CEP112: variants seen among roughly 807,000 people sequenced by gnomAD.
CEP112 encodes centrosomal protein of 112 kDa.
In CEP112, 127 loss-of-function variants were observed where a neutral mutation model predicts 153.0. The observed-to-expected ratio is 0.83, with a 90% CI of 0.72 to 0.96. CEP112 has a LOEUF of 0.96. CEP112 is among the 40% of genes least tolerant of loss of function. CEP112 has a pLI of 0.00. For synonymous variants in CEP112, 358 were observed against 374.4 expected (o/e 0.96, Z 0.51); for missense variants, 1,089 against 1,101.2 (o/e 0.99, Z 0.16).
intron 18 of CEP112, among the ~76,000 whole-genome samples, chr17:65,932,416 C>T (rs1289391600): frequency 6.6e-6 from 1 of 152,040 alleles, no homozygotes; most frequent in Non-Finnish European, 1.5e-5. Context: ...AACAATGAAC[C>T]CTAAAAATAT....
intron 18 of CEP112, among the ~76,000 whole-genome samples, chr17:65,936,751 T>C (rs182919237): frequency 1.1e-4 from 16 of 144,360 alleles, no homozygotes; most frequent in African/African-American, 4.1e-4. Flanking sequence ...TAATAAAAAC[T>C]CTTAACAAAT....
intron 18 of CEP112, among the ~76,000 whole-genome samples, 174 bp downstream of exon 18, chr17:65,961,289 G>A (rs1354048428): frequency 6.6e-6 from 1 of 152,214 alleles, no homozygotes; most frequent in African/African-American, 2.4e-5. Context: ...ATTGCTTGAA[G>A]GATGAATCAA....
Position 65,902,354 on chromosome 17 carries a change from G to C in CEP112, c.1981-20C>G. On this transcript the variant is annotated intron_variant, in intron 19 of 26. Coordinates refer to ENST00000535342, the MANE Select transcript of CEP112 (RefSeq NM_001199165.4). ...TACTATCTGATTGGACAATGAGGAG[G>C]ACAGTTCATCAACAGAACATCCTTG... 1 of 1,599,700 alleles carries C rather than the reference G, an allele frequency of 6.3e-7. No homozygotes were observed. The highest frequency in any genetic ancestry group is 8.5e-7 in the Non-Finnish European group (1 of 1,172,698).
At chr17:65,798,103 G>T (rs1335014297) in intron 21 of CEP112, among the ~76,000 whole-genome samples, 1 of 151,938 alleles carries the variant, frequency 6.6e-6, no homozygotes, top group Non-Finnish European at 1.5e-5. Context: ...GTCCCTTCTG[G>T]AATCCCACTG....
chr17:65,790,263 T>G (rs757736902), intron 21 of CEP112, among the ~76,000 whole-genome samples: 1 of 152,122 alleles, frequency 6.6e-6, no homozygotes, highest in Non-Finnish European at 1.5e-5. Flanking sequence ...GGATCAAGGT[T>G]TCCAATAAAC....
chr17:66,130,101 G>A (rs1024055167), intron 5 of CEP112, among the ~76,000 whole-genome samples: 1 of 152,032 alleles, frequency 6.6e-6, no homozygotes, highest in Non-Finnish European at 1.5e-5. Flanking sequence ...TGCTTGTCTG[G>A]TAATGCTGTA....
At chr17:65,792,200 T>C (rs1379470013) in intron 21 of CEP112, among the ~76,000 whole-genome samples, 3 of 152,218 alleles carry the variant, frequency 2.0e-5, no homozygotes, top group Non-Finnish European at 4.4e-5. Flanking sequence ...CAAAATATAA[T>C]GTGATTTACT....
chr17:65,823,789 TA>T lies in CEP112; in HGVS notation c.2394+28014del, dbSNP rs1283212495. On this transcript the variant is annotated intron_variant, in intron 21 of 26. Coordinates refer to ENST00000535342, the MANE Select transcript of CEP112 (RefSeq NM_001199165.4). ...AAATTTAATAATTAGAAAATAGCAGTAAAAAATCAGAAAAAGATTTCAATAG... is the reference window on the plus strand; with the variant it reads ...AAATTTAATAATTAGAAAATAGCAGTAAAAATCAGAAAAAGATTTCAATAG... Among the ~76,000 whole-genome samples, 2 of 152,120 alleles carry T rather than the reference TA, an allele frequency of 1.3e-5. 1 individual carries two copies. The highest frequency in any genetic ancestry group is 1.3e-4 in the Admixed American group (2 of 15,272).
Position 66,150,874 on chromosome 17 carries a change from T to A in CEP112, c.471-18111A>T, listed in dbSNP as rs951104009. Among the ~76,000 whole-genome samples the A allele has an allele frequency of 1.3e-4, 20 of 152,236 alleles. 1 individual carries two copies. Among genetic ancestry groups the A allele is most frequent in the Non-Finnish European group, 1.5e-5 (1 of 68,042 alleles). On this transcript the variant is annotated intron_variant, in intron 4 of 26. Coordinates refer to ENST00000535342, the MANE Select transcript of CEP112 (RefSeq NM_001199165.4). ...TTCATGTATTTTTGAAGCTCTTTTGTTTGCTAAATACACATTTATAATCAT... is the reference window on the plus strand; with the variant it reads ...TTCATGTATTTTTGAAGCTCTTTTGATTGCTAAATACACATTTATAATCAT...
intron 12 of CEP112, among the ~76,000 whole-genome samples, chr17:66,040,260 T>C (rs1320894388): frequency 3.3e-5 from 5 of 152,180 alleles, no homozygotes; most frequent in African/African-American, 9.6e-5. Context: ...TTTGTAGGTA[T>C]GTAGAGATAC....
intron 23 of CEP112, among the ~76,000 whole-genome samples, chr17:65,695,217 G>A (rs2048300152): frequency 6.6e-6 from 1 of 152,210 alleles, no homozygotes; most frequent in Admixed American, 6.5e-5. Context: ...CTCTTTAAAA[G>A]GGAGAGCATT....
chr17:66,047,233 C>T (rs1208297012), intron 12 of CEP112, among the ~76,000 whole-genome samples: 4 of 152,190 alleles, frequency 2.6e-5, no homozygotes, highest in African/African-American at 9.7e-5. Flanking sequence ...TCTCCTGCCT[C>T]AGCCTCCTGA....
intron 17 of CEP112, among the ~76,000 whole-genome samples, chr17:66,004,656 T>C (rs1246420900): frequency 6.6e-6 from 1 of 152,224 alleles, no homozygotes; most frequent in Non-Finnish European, 1.5e-5. Context: ...CCATAGTTTA[T>C]AAATCGCATT....
Position 66,183,313 on chromosome 17 carries a change from A to T in CEP112, c.-8-6T>A. 6.4e-7 allele frequency: 1 copy of T among 1,557,362 alleles called. No homozygotes were observed. Among genetic ancestry groups the T allele is most frequent in the East Asian group, 2.2e-5 (1 of 44,510 alleles). On this transcript the variant is annotated splice_polypyrimidine_tract_variant and splice_region_variant and intron_variant, in intron 1 of 26. Coordinates refer to ENST00000535342, the MANE Select transcript of CEP112 (RefSeq NM_001199165.4). ...TCCCACTTCCATAATCCAATCTGTA[A>T]AAGATTTTAAATCAAAATATTAAGG...
chr17:65,806,549 T>C (rs865811935), intron 21 of CEP112, among the ~76,000 whole-genome samples: 1 of 152,316 alleles, frequency 6.6e-6, no homozygotes, highest in Admixed American at 6.5e-5. Context: ...AATCCCCACA[T>C]ACTGGGGGAG....
chr17:65,796,603 T>C (rs1044639774), intron 21 of CEP112, among the ~76,000 whole-genome samples: 6 of 152,182 alleles, frequency 3.9e-5, no homozygotes, highest in Non-Finnish European at 7.3e-5. Flanking sequence ...TGAGCTCTGA[T>C]TGACCCTGAC....
chr17:66,052,697 G>A (rs1461731895), intron 12 of CEP112, among the ~76,000 whole-genome samples: 1 of 152,030 alleles, frequency 6.6e-6, no homozygotes, highest in African/African-American at 2.4e-5. Flanking sequence ...TAAGAACACT[G>A]GTCAGAGTGG....
intron 4 of CEP112, among the ~76,000 whole-genome samples, chr17:66,155,657 T>C (rs2071407687): frequency 6.6e-6 from 1 of 152,154 alleles, no homozygotes; most frequent in African/African-American, 2.4e-5. Context: ...CTTGAAATTC[T>C]CACTGCCAGC....
chr17:66,090,019 A>G (rs922053737), intron 8 of CEP112, among the ~76,000 whole-genome samples: 7 of 152,184 alleles, frequency 4.6e-5, no homozygotes, highest in Non-Finnish European at 8.8e-5. Flanking sequence ...AGAAAAGAGT[A>G]GGATGATATA....
Sources: gnomAD v4.1 joint callset for allele counts (sites outside exome capture counted in the v4.1 genomes callset) on GRCh38, gnomAD v4.1.1 for gene constraint, MANE v1.5 for transcripts, NCBI Gene and HGNC (gene_info 2026-07-23, HGNC 2026-07-21) for gene names.